Variants in ST6GALNAC3 observed in about 807,000 individuals in gnomAD.
The protein encoded by ST6GALNAC3 is ST6 N-acetylgalactosaminide alpha-2,6-sialyltransferase 3.
A neutral mutation model predicts 32.7 loss-of-function variants in ST6GALNAC3; 25 were observed. The observed-to-expected ratio is 0.76, with a 90% CI of 0.56 to 1.07. The LOEUF is 1.07. Ranked by LOEUF, ST6GALNAC3 falls within the 50% of genes least tolerant of loss-of-function variation. The pLI is 0.00. For synonymous variants in ST6GALNAC3, 129 were observed against 133.1 expected (o/e 0.97, Z 0.21); for missense variants, 355 against 382.4 (o/e 0.93, Z 0.60).
At chr1:76,184,456 T>C (rs923989772) in intron 1 of ST6GALNAC3, among the ~76,000 whole-genome samples, 18 of 150,994 alleles carry the variant, frequency 1.2e-4, no homozygotes, top group Non-Finnish European at 1.2e-4. Context: ...GGAGAATTGC[T>C]TGAACCCAGG....
At chr1:76,239,524 G>T (rs1656848119) in intron 1 of ST6GALNAC3, among the ~76,000 whole-genome samples, 1 of 152,086 alleles carries the variant, frequency 6.6e-6, no homozygotes. Context: ...GGGGGAGCAG[G>T]TGTGTCACAT....
chr1:76,541,597 T>C (rs1663995862), intron 3 of ST6GALNAC3, among the ~76,000 whole-genome samples: 1 of 152,250 alleles, frequency 6.6e-6, no homozygotes, highest in Admixed American at 6.5e-5. Flanking sequence ...TGACAGACAC[T>C]GTGGCTTTCA....
intron 3 of ST6GALNAC3, among the ~76,000 whole-genome samples, chr1:76,415,171 CTTTTTT>C (rs71072000): frequency 1.5e-3 from 108 of 70,458 alleles, no homozygotes; most frequent in African/African-American, 6.1e-3. Flanking sequence ...GGATTCATGT[CTTTTTT>C]TTTTTTTTTT....
intron 1 of ST6GALNAC3, among the ~76,000 whole-genome samples, chr1:76,145,810 C>T (rs1650645429): frequency 6.6e-6 from 1 of 152,160 alleles, no homozygotes; most frequent in Non-Finnish European, 1.5e-5. Context: ...TCTGCTTTTT[C>T]AATGGATTTT....
intron 1 of ST6GALNAC3, among the ~76,000 whole-genome samples, chr1:76,312,683 T>C (rs1201714170): frequency 6.6e-6 from 1 of 152,150 alleles, no homozygotes; most frequent in Non-Finnish European, 1.5e-5. Context: ...CTGTCCCCTT[T>C]AACAAAACAA....
chr1:76,148,679 C>T (rs1172758228), intron 1 of ST6GALNAC3, among the ~76,000 whole-genome samples: 2 of 152,150 alleles, frequency 1.3e-5, no homozygotes, highest in Non-Finnish European at 2.9e-5. Flanking sequence ...GAAAGTGTGT[C>T]ATCTCTTTCT....
At chr1:76,225,437 T>G (rs1247510646) in intron 1 of ST6GALNAC3, among the ~76,000 whole-genome samples, 1 of 152,084 alleles carries the variant, frequency 6.6e-6, no homozygotes, top group Admixed American at 6.6e-5. Flanking sequence ...GAATAGCCAT[T>G]AATGAAGATG....
chr1:76,259,267 A>T (rs574751384), intron 1 of ST6GALNAC3, among the ~76,000 whole-genome samples: 1 of 152,184 alleles, frequency 6.6e-6, no homozygotes, highest in African/African-American at 2.4e-5. Flanking sequence ...TGACAGAAGA[A>T]ATCAAACAGC....
chr1:76,300,406 C>G (rs570194709), intron 1 of ST6GALNAC3, among the ~76,000 whole-genome samples: 1 of 151,876 alleles, frequency 6.6e-6, no homozygotes, highest in Non-Finnish European at 1.5e-5. Flanking sequence ...CAATCAAGGT[C>G]CCTCGGTTAT....
chr1:76,267,230 T>C (rs1658584772), intron 1 of ST6GALNAC3, among the ~76,000 whole-genome samples: 1 of 152,186 alleles, frequency 6.6e-6, no homozygotes, highest in Non-Finnish European at 1.5e-5. Context: ...CATGACCCCT[T>C]GCCTCATGGA....
intron 1 of ST6GALNAC3, among the ~76,000 whole-genome samples, chr1:76,110,142 A>G (rs1014600699): frequency 3.3e-5 from 5 of 152,138 alleles, no homozygotes; most frequent in African/African-American, 1.2e-4. Context: ...ATTCTTTTTC[A>G]TTCTTTCAGC....
intron 2 of ST6GALNAC3, among the ~76,000 whole-genome samples, chr1:76,396,187 A>G (rs1652941360): frequency 6.6e-6 from 1 of 152,214 alleles, no homozygotes; most frequent in South Asian, 2.1e-4. Context: ...CAATTGGGCC[A>G]GGCATGGTGA....
intron 1 of ST6GALNAC3, among the ~76,000 whole-genome samples, chr1:76,165,936 A>T (rs1440256832): frequency 2.6e-5 from 4 of 152,174 alleles, no homozygotes; most frequent in African/African-American, 9.7e-5. Context: ...CATAGTTTGC[A>T]CAAATTTCCT....
intron 3 of ST6GALNAC3, among the ~76,000 whole-genome samples, chr1:76,616,913 GAGA>G (rs1648331806): frequency 6.6e-6 from 1 of 152,094 alleles, no homozygotes; most frequent in Admixed American, 6.5e-5. Context: ...CTTTCTTAAC[GAGA>G]AGGTCAGAGC....
At chr1:76,363,235 T>C (rs1473445969) in intron 2 of ST6GALNAC3, among the ~76,000 whole-genome samples, 2 of 152,238 alleles carry the variant, frequency 1.3e-5, no homozygotes, top group Non-Finnish European at 2.9e-5. Flanking sequence ...TACACTTTGC[T>C]GTTTAGAAAT....
intron 1 of ST6GALNAC3, among the ~76,000 whole-genome samples, chr1:76,258,650 A>T (rs1479767759): frequency 6.6e-6 from 1 of 152,094 alleles, no homozygotes; most frequent in African/African-American, 2.4e-5. Flanking sequence ...ACTTCTTTTG[A>T]GTTCCTACTA....
intron 3 of ST6GALNAC3, among the ~76,000 whole-genome samples, chr1:76,451,036 C>T (rs1021297487): frequency 2.6e-5 from 4 of 152,078 alleles, no homozygotes; most frequent in African/African-American, 4.8e-5. Context: ...ATGAAAGGCT[C>T]CTTTTGGGTT....
chr1:76,357,593 C>A (rs1478103425), intron 2 of ST6GALNAC3, among the ~76,000 whole-genome samples: 4 of 152,180 alleles, frequency 2.6e-5, no homozygotes, highest in Admixed American at 2.6e-4. Context: ...GAAATCATCA[C>A]CTCCTCTTTA....
chr1:76,289,467 T>G (rs1186631905), intron 1 of ST6GALNAC3, among the ~76,000 whole-genome samples: 1 of 152,226 alleles, frequency 6.6e-6, no homozygotes, highest in African/African-American at 2.4e-5. Flanking sequence ...TAGTATGGAA[T>G]AGTTAGCTTA....
Sources: allele counts gnomAD v4.1 joint callset (sites outside exome capture counted in the v4.1 genomes callset), GRCh38; gene constraint gnomAD v4.1.1; transcripts MANE v1.5; gene names NCBI Gene and HGNC (gene_info 2026-07-23, HGNC 2026-07-21).